The following MTREX variants were observed in gnomAD, a reference collection of about 807,000 sequenced individuals.
The protein encoded by MTREX is exosome RNA helicase MTR4.
Under a neutral mutation model 135.4 loss-of-function variants are expected in MTREX, and 76 were observed. The observed-to-expected ratio is 0.56, with a 90% confidence interval of 0.47 to 0.68. The LOEUF (loss-of-function observed/expected upper bound fraction) is 0.68, where lower values mean the gene tolerates loss of function less well. MTREX is among the 30% of genes least tolerant of loss of function. The pLI is 0.00. For synonymous variants in MTREX, 404 were observed against 401.6 expected (o/e 1.01, Z -0.07); for missense variants, 920 against 1,262.1 (o/e 0.73, Z 4.11).
chr5:55,355,572 G>A (rs1749898166), intron 14 of MTREX, among the ~76,000 whole-genome samples: 1 of 152,210 alleles, frequency 6.6e-6, no homozygotes, highest in South Asian at 2.1e-4. Flanking sequence ...AGATAGGCTG[G>A]ACCCTGGGGC....
At chr5:55,320,355 C>T (rs969101792) in intron 1 of MTREX, among the ~76,000 whole-genome samples, 3 of 151,868 alleles carry the variant, frequency 2.0e-5, no homozygotes, top group Non-Finnish European at 4.4e-5. Context: ...CCTGGGACTA[C>T]AGGTGCTCAC....
chr5:55,308,007 C>T lies in MTREX; in HGVS notation c.-7C>T. ...AGGAGGGAGATTTGCTCTCACTGCT[C>T]CCAAAAATGGCGGACGCATTCGGAG... On this transcript the variant is annotated 5_prime_UTR_variant, in exon 1 of 27. Transcript: ENST00000230640. 1 of 1,614,088 alleles carries T rather than the reference C, an allele frequency of 6.2e-7. No homozygotes were observed. Among genetic ancestry groups the T allele is most frequent in the South Asian group, 1.1e-5 (1 of 91,068 alleles).
At chr5:55,390,026 A>G (rs1750540605) in intron 19 of MTREX, among the ~76,000 whole-genome samples, 2 of 152,148 alleles carry the variant, frequency 1.3e-5, no homozygotes, top group Non-Finnish European at 2.9e-5. Context: ...GATTTCCATA[A>G]TCATCCTTGC....
chr5:55,424,287 AGGCATGC>A (rs1751109312), intron 26 of MTREX: 1 of 153,564 alleles, frequency 6.5e-6, no homozygotes, highest in Non-Finnish European at 1.5e-5. Context: ...GCTGAACTAC[AGGCATGC>A]GCCACCACGC....
chr5:55,344,495 TG>T (rs1749699109), intron 8 of MTREX, 26 bp from the exon 9 acceptor site: 1 of 1,456,352 alleles, frequency 6.9e-7, no homozygotes, highest in South Asian at 1.2e-5. Flanking sequence ...AATAAAATTT[TG>T]TATGTTTAAT....
In MTREX at chr5:55,322,432, C is replaced by T. The variant is rs2112031582; in HGVS notation, c.240C>T (p.Pro80=). 3 of 1,608,500 alleles carry T rather than the reference C, an allele frequency of 1.9e-6. No homozygotes were observed. The highest frequency in any genetic ancestry group is 2.5e-6 in the Non-Finnish European group (3 of 1,177,480). The change falls in exon 2 of 27, where the codon CCC becomes CCT. Residue 80 remains proline, a synonymous_variant. Transcript: ENST00000230640. The stretch of plus-strand genomic sequence containing the variant: ...ATGAACCCATTTTTGGAAAGAAGCC[C>T]AGGATAGAAGAGTCAATAACTGAAG... ...GTDEPIFGKK[P]RIEESITEDL... is the part of the protein sequence containing the mutation.
chr5:55,313,864 A>C lies in MTREX; in HGVS notation c.134+5717A>C, dbSNP rs116587242. On this transcript the variant is annotated intron_variant, in intron 1 of 26. Transcript: ENST00000230640. ...TTTGAAAATATCAAATTGTGCGTAC[A>C]TGTGTCTATCAGATGTCTCCATTTC... Among the ~76,000 whole-genome samples, 463 of 152,186 alleles carry C rather than the reference A, an allele frequency of 3.0e-3. 1 individual carries two copies. Among genetic ancestry groups the C allele is most frequent in the African/African-American group, 0.011 (449 of 41,520 alleles).
Position 55,341,669 on chromosome 5 carries a change from T to G in MTREX, c.691-12T>G, listed in dbSNP as rs1749651344. ...GAATCCAACTAAATACATTTTTTAC[T>G]TTTTTCTTTAGATTTTGAGAAGTAT... On this transcript the variant is annotated splice_polypyrimidine_tract_variant and intron_variant, in intron 6 of 26. Coordinates refer to ENST00000230640, the MANE Select transcript of MTREX (RefSeq NM_015360.5). 6.7e-7 allele frequency: 1 copy of G among 1,503,330 alleles called. No homozygotes were observed. The highest frequency in any genetic ancestry group is 9.1e-7 in the Non-Finnish European group (1 of 1,095,340). The allele number at this position is 1,503,330 out of a possible 1,614,324, so 93.1% of individuals were successfully genotyped here.
chr5:55,337,694 C>G (rs1749575547), intron 5 of MTREX, among the ~76,000 whole-genome samples: 2 of 149,430 alleles, frequency 1.3e-5, no homozygotes, highest in South Asian at 2.1e-4. Flanking sequence ...GAAGATACTT[C>G]GTGAAATTTC....
chr5:55,414,244 G>GTTTTTTTTTTTTTTTTTTTTTTTTTATTT lies in MTREX; in HGVS notation c.2808+24_2808+25insTTTTTTTATTTTTTTTTTTTTTTTTTTTT. On this transcript the variant is annotated splice_region_variant and intron_variant, in intron 24 of 26. Transcript: ENST00000230640. ...GACCACTTCGTCAAATGCAGGTAAG[G>GTTTTTTTTTTTTTTTTTTTTTTTTTATTT]TTTTTTTTTTTTTTTTTTGAACTAC... 7.5e-7 allele frequency: 1 copy of GTTTTTTTTTTTTTTTTTTTTTTTTTATTT among 1,336,868 alleles called. No homozygotes were observed. The highest frequency in any genetic ancestry group is 9.9e-7 in the Non-Finnish European group (1 of 1,008,896). 82.8% of individuals were successfully genotyped at this position (1,336,868 alleles called of 1,614,324 possible).
At chr5:55,343,940 A>G (rs1310826989) in intron 8 of MTREX, among the ~76,000 whole-genome samples, 1 of 152,014 alleles carries the variant, frequency 6.6e-6, no homozygotes, top group African/African-American at 2.4e-5. Context: ...TGTAATAGGC[A>G]TTTGTTTATG....
At chr5:55,327,408 G>A (rs910733997) in intron 3 of MTREX, 5 of 243,886 alleles carry the variant, frequency 2.1e-5, no homozygotes, top group African/African-American at 1.1e-4. Flanking sequence ...TACCCACTGT[G>A]TTGTTATTCT....
rs796739223 is a variant in MTREX, at chr5:55,351,172, T to C, written c.1431+143T>C. ...TTAAATAATGAACTTAATTTTTATA[T>C]ATGATGTTATACTTAAATAAATCTT... On this transcript the variant is annotated intron_variant, in intron 13 of 26. Coordinates refer to ENST00000230640, the MANE Select transcript of MTREX (RefSeq NM_015360.5). 1.3e-5 allele frequency: 13 copies of C among 985,504 alleles called. No homozygotes were observed. The African/African-American group carries it at 2.2e-4, about 17-fold the overall frequency. The allele number at this position is 985,504 out of a possible 1,614,324, so 61.0% of individuals were successfully genotyped here.
At chr5:55,313,748 CAA>C (rs1749153100) in intron 1 of MTREX, among the ~76,000 whole-genome samples, 1 of 152,200 alleles carries the variant, frequency 6.6e-6, no homozygotes, top group East Asian at 1.9e-4. Context: ...GTTCCAAAAT[CAA>C]AAGTTTAAAA....
At chr5:55,334,541 A>G (rs1749524009) in intron 5 of MTREX, among the ~76,000 whole-genome samples, 1 of 152,116 alleles carries the variant, frequency 6.6e-6, no homozygotes, top group African/African-American at 2.4e-5. Context: ...TATGTAAAAC[A>G]AATACTTTTT....
rs772912196 is a variant in MTREX at position 55,372,227 on chromosome 5, C to T, written c.1810+5352C>T. On this transcript the variant is annotated intron_variant, in intron 16 of 26. Coordinates refer to ENST00000230640, the MANE Select transcript of MTREX (RefSeq NM_015360.5). ...TAATTTTTTTTCCTGATAATGTTTA[C>T]TGCCATAATGCGTGTTGTTACGGAT... 5.9e-5 allele frequency among the ~76,000 whole-genome samples: 9 copies of T among 152,034 alleles called. No individual in the cohort carries two copies. The South Asian group carries it at 1.9e-3, about 31-fold the overall frequency.
At chr5:55,314,803 A>T (rs1218980007) in intron 1 of MTREX, among the ~76,000 whole-genome samples, 2 of 152,194 alleles carry the variant, frequency 1.3e-5, no homozygotes, top group Non-Finnish European at 2.9e-5. Context: ...TGGTTTTGGG[A>T]TGAAACTCTT....
In MTREX at chr5:55,374,124, G is replaced by A. The variant is rs190737428; in HGVS notation, c.1811-4190G>A. On this transcript the variant is annotated intron_variant, in intron 16 of 26. Coordinates refer to ENST00000230640, the MANE Select transcript of MTREX (RefSeq NM_015360.5). ...AATACAAAATTTAGCCACATGTGGT[G>A]GCGCACACCTGTAATTCCAGTTACT... 1.1e-4 allele frequency among the ~76,000 whole-genome samples: 17 copies of A among 152,046 alleles called. No homozygotes were observed. The East Asian group carries it at 3.1e-3, about 28-fold the overall frequency.
intron 20 of MTREX, 111 bp from the exon 21 acceptor site, chr5:55,400,122 G>T: frequency 2.8e-6 from 2 of 713,522 alleles, no homozygotes; most frequent in Non-Finnish European, 4.4e-6. Flanking sequence ...AATTATATAT[G>T]TAGTATACTT....
Sources: gnomAD v4.1 joint callset for allele counts (sites outside exome capture counted in the v4.1 genomes callset) on GRCh38, gnomAD v4.1.1 for gene constraint, MANE v1.5 for transcripts, NCBI Gene and HGNC (gene_info 2026-07-23, HGNC 2026-07-21) for gene names.